Variants in ZNF106 observed in about 807,000 individuals in gnomAD.
ZNF106 encodes SH3-domain binding protein 3.
A neutral mutation model predicts 195.1 loss-of-function variants in ZNF106; 67 were observed. That is an observed-to-expected ratio of 0.34 (90% CI 0.28 to 0.42). The LOEUF (loss-of-function observed/expected upper bound fraction) is 0.42. ZNF106 is among the 10% of genes least tolerant of loss of function. The pLI is 1.00. For missense variants in ZNF106, 2,118 were observed against 2,304.5 expected (o/e 0.92, Z 1.66); for synonymous variants, 784 against 818.6 (o/e 0.96, Z 0.72).
At chr15:42,466,012 AC>A (rs1204426505) in intron 3 of ZNF106, 40 bp downstream of exon 3, 2 of 1,487,624 alleles carry the variant, frequency 1.3e-6, no homozygotes, top group Non-Finnish European at 1.8e-6. Context: ...ACTCAGATCC[AC>A]CCACATTCAC....
In ZNF106 at chr15:42,457,638, C is replaced by T. The variant is rs142063996; in HGVS notation, c.117-480G>A. 2.1e-3 allele frequency: 1,408 copies of T among 684,644 alleles called. 21 individuals are homozygous for T. The African/African-American group carries it at 0.026, about 13-fold the overall frequency. 42.4% of individuals were successfully genotyped at this position (684,644 alleles called of 1,614,324 possible). The stretch of plus-strand genomic sequence containing the variant: ...GTAGGTGGCGCAGCCAATCCCAAGT[C>T]GGTAACTAAATCGGAACAGCTGGAG... On this transcript the variant is annotated intron_variant, in intron 3 of 21. Transcript: ENST00000564754.
chr15:42,418,910 G>C (rs1384764561), intron 20 of ZNF106, among the ~76,000 whole-genome samples: 1 of 151,630 alleles, frequency 6.6e-6, no homozygotes, highest in African/African-American at 2.4e-5. Flanking sequence ...TCATGTATTA[G>C]AAAGCATAAG....
chr15:42,422,484 C>G lies in ZNF106; in HGVS notation c.5373+17G>C, dbSNP rs574575094. 1 of 1,609,512 alleles carries G rather than the reference C, an allele frequency of 6.2e-7. No homozygotes were observed. The highest frequency in any genetic ancestry group is 1.3e-5 in the African/African-American group (1 of 74,866). On this transcript the variant is annotated intron_variant, in intron 18 of 21. Transcript: ENST00000564754. ...CTCCCCAAATCATTCAAGCAAAATA[C>G]TGAATCTAAATTCTACCTGTAATTC...
In ZNF106 at chr15:42,439,222, G is replaced by C. The variant is rs377477964; in HGVS notation, c.4355C>G (p.Pro1452Arg). 29 of 1,614,006 alleles carry C rather than the reference G, an allele frequency of 1.8e-5. No individual in the cohort carries two copies. In the Admixed American group the frequency reaches 2.7e-4, roughly 15 times the overall value. ...SDSSLEVLEIPNPQLEVVAID... is the reference protein window; with the variant it reads ...SDSSLEVLEIRNPQLEVVAID... ...GGCTACTACTTCTAACTGAGGATTA[G>C]GAATTTCTAGGACTTCCAGAGACGA... The change falls in exon 11 of 22, where the codon CCT (proline) becomes CGT (arginine). Residue 1452 changes from proline (P) to arginine (R), a missense_variant. Transcript: ENST00000564754.
At position 42,467,740 on chromosome 15, in the gene ZNF106, C is replaced by T. The variant is rs562910000; in HGVS notation, c.55-1626G>A. ...GGAGAATCGCTTGAACCTGGGAAGG[C>T]GGAGGTTGCAGTGAGCTGGTATCAC... On this transcript the variant is annotated intron_variant, in intron 2 of 21. Coordinates refer to ENST00000564754, the MANE Select transcript of ZNF106 (RefSeq NM_001366845.3). Among the ~76,000 whole-genome samples the T allele has an allele frequency of 1.2e-4, 19 of 152,198 alleles. No homozygotes were observed. In the South Asian group the frequency reaches 1.9e-3, roughly 15 times the overall value.
In ZNF106 at chr15:42,449,871, G is replaced by T; in HGVS notation, c.2401C>A (p.Leu801Ile). Residue 801 changes from leucine to isoleucine, a missense_variant, in exon 5 of 22, where the codon CTA becomes ATA. Leu to Ile is a conservative substitution (Grantham distance 5). Coordinates refer to ENST00000564754, the MANE Select transcript of ZNF106 (RefSeq NM_001366845.3). ...CGAGATGCATTTAGAATCTGCCGTA[G>T]GGTTGGCTTGAGCCCAGACTCCTTC... Reference protein sequence around the residue: ...TEKESGLKPTLRQILNASRRN... With the variant: ...TEKESGLKPTIRQILNASRRN... 6.2e-7 allele frequency: 1 copy of T among 1,614,138 alleles called. No homozygotes were observed. Among genetic ancestry groups the T allele is most frequent in the Non-Finnish European group, 8.5e-7 (1 of 1,180,020 alleles).
intron 7 of ZNF106, among the ~76,000 whole-genome samples, chr15:42,445,972 G>T (rs1053565712): frequency 6.6e-6 from 1 of 152,166 alleles, no homozygotes; most frequent in South Asian, 2.1e-4. Context: ...AAGCAACCAA[G>T]ATGCCTCAAA....
chr15:42,436,294 A>T (rs2055271821), intron 13 of ZNF106, among the ~76,000 whole-genome samples: 1 of 152,126 alleles, frequency 6.6e-6, no homozygotes, highest in Admixed American at 6.6e-5. Flanking sequence ...ATGTTATCTC[A>T]GTGCACATAC....
intron 10 of ZNF106, among the ~76,000 whole-genome samples, chr15:42,440,998 A>AATATAT (rs56924955): frequency 2.4e-3 from 56 of 23,524 alleles, no homozygotes; most frequent in African/African-American, 5.0e-3. Context: ...AAAAAAAAAA[A>AATATAT]ATATATATAT....
chr15:42,432,348 G>T (rs925720705), intron 14 of ZNF106, among the ~76,000 whole-genome samples: 1 of 151,320 alleles, frequency 6.6e-6, no homozygotes, highest in East Asian at 1.9e-4. Context: ...TTGTGGAGAC[G>T]GGATCTCATT....
chr15:42,470,217 C>T (rs1206351021), intron 2 of ZNF106, among the ~76,000 whole-genome samples: 2 of 152,156 alleles, frequency 1.3e-5, no homozygotes, highest in African/African-American at 2.4e-5. Context: ...TCAGGATACT[C>T]AGGGATACCT....
rs1359009488 is a variant in ZNF106, at chr15:42,422,637, G to GT, written c.5254-18dup. 2.5e-6 allele frequency: 4 copies of GT among 1,591,870 alleles called. No individual in the cohort carries two copies. The highest frequency in any genetic ancestry group is 3.4e-6 in the Non-Finnish European group (4 of 1,171,484). On this transcript the variant is annotated splice_polypyrimidine_tract_variant and intron_variant, in intron 17 of 21. Transcript: ENST00000564754. ...CTCACCAGTCTATGTCAGAAGAGAA[G>GT]TAAGAGTCACCAGACTGACTTTCGA...
intron 2 of ZNF106, among the ~76,000 whole-genome samples, chr15:42,467,325 C>T (rs139136770): frequency 3.6e-4 from 55 of 152,262 alleles, no homozygotes; most frequent in Admixed American, 2.5e-3. Flanking sequence ...TACTGCATTC[C>T]GTGTGAAGTC....
At chr15:42,463,419 T>C (rs1309139945) in intron 3 of ZNF106, among the ~76,000 whole-genome samples, 1 of 152,118 alleles carries the variant, frequency 6.6e-6, no homozygotes, top group Non-Finnish European at 1.5e-5. Flanking sequence ...CTTCTGGCCA[T>C]GCAGAGTGGC....
chr15:42,446,470 G>A lies in ZNF106; in HGVS notation c.3205+119C>T, dbSNP rs568498776. 84 of 752,764 alleles carry A rather than the reference G, an allele frequency of 1.1e-4. No homozygotes were observed. In the African/African-American group the frequency reaches 1.3e-3, roughly 11 times the overall value. 46.6% of individuals were successfully genotyped at this position (752,764 alleles called of 1,614,324 possible). On this transcript the variant is annotated intron_variant, in intron 7 of 21. Coordinates refer to ENST00000564754, the MANE Select transcript of ZNF106 (RefSeq NM_001366845.3). Reference sequence around the variant, plus strand: ...CACATACCAGTAGTCCTAGCTGCTCGGGAGGCTGAGAGAAGAGGATTGCTT... The same window carrying A: ...CACATACCAGTAGTCCTAGCTGCTCAGGAGGCTGAGAGAAGAGGATTGCTT...
In ZNF106 at chr15:42,418,532, ATTTT is replaced by A. The variant is rs1162999546; in HGVS notation, c.5518-585_5518-582del. On this transcript the variant is annotated intron_variant, in intron 20 of 21. Coordinates refer to ENST00000564754, the MANE Select transcript of ZNF106 (RefSeq NM_001366845.3). Reference sequence around the variant, plus strand: ...AGGCGTGCACCACCACGGCCAGTTAATTTTTTTTTTTTTTTTTTTTTTTTTTAGT... The same window carrying A: ...AGGCGTGCACCACCACGGCCAGTTAATTTTTTTTTTTTTTTTTTTTTTAGT... 5.2e-5 allele frequency among the ~76,000 whole-genome samples: 5 copies of A among 96,244 alleles called. No individual in the cohort carries two copies. In the Admixed American group the frequency reaches 5.3e-4, roughly 10 times the overall value. The allele number at this position is 96,244 out of a possible 152,430, so 63.1% of individuals were successfully genotyped here.
intron 3 of ZNF106, among the ~76,000 whole-genome samples, chr15:42,464,614 A>AC (rs930758232): frequency 2.2e-4 from 29 of 134,208 alleles, no homozygotes; most frequent in Non-Finnish European, 1.2e-4. Flanking sequence ...TGCAACCTCC[A>AC]CCTCCCAGGC....
At chr15:42,433,291 G>C (rs2055127229) in intron 14 of ZNF106, among the ~76,000 whole-genome samples, 3 of 151,714 alleles carry the variant, frequency 2.0e-5, no homozygotes, top group African/African-American at 7.3e-5. Flanking sequence ...ATTTTTAGTA[G>C]AGACGGGGTT....
At chr15:42,437,487 A>T in intron 12 of ZNF106, 110 bp from the exon 13 acceptor site, 5 of 1,272,450 alleles carry the variant, frequency 3.9e-6, no homozygotes, top group Non-Finnish European at 5.3e-6. Flanking sequence ...CCAAAAGTAG[A>T]TCCCTTAAAT....
Sources: allele counts gnomAD v4.1 joint callset (sites outside exome capture counted in the v4.1 genomes callset), GRCh38; gene constraint gnomAD v4.1.1; transcripts MANE v1.5; gene names NCBI Gene and HGNC (gene_info 2026-07-23, HGNC 2026-07-21).